STAG1: variants seen among roughly 807,000 people sequenced by gnomAD.
STAG1 encodes STAG1 cohesin complex component.
In STAG1, 26 loss-of-function variants were observed where a neutral mutation model predicts 170.9. The ratio of observed to expected loss-of-function variants is 0.15; its 90% CI spans 0.11 to 0.21. STAG1 has a LOEUF of 0.21. Among genes scored for constraint, STAG1 ranks in the 10% least tolerant of loss-of-function variants. The pLI, the probability that STAG1 is intolerant of heterozygous loss-of-function variation, is 1.00. For missense variants in STAG1, 964 were observed against 1,509.5 expected (o/e 0.64, Z 5.99); for synonymous variants, 514 against 497.7 (o/e 1.03, Z -0.44).
intron 1 of STAG1, among the ~76,000 whole-genome samples, chr3:136,666,867 T>A (rs972243202): frequency 5.1e-4 from 75 of 147,762 alleles, no homozygotes; most frequent in Middle Eastern, 3.6e-3. Flanking sequence ...CAACTCCAAG[T>A]AGTGTGGCTT....
At chr3:136,551,137 T>C (rs1379904816) in intron 5 of STAG1, among the ~76,000 whole-genome samples, 1 of 151,596 alleles carries the variant, frequency 6.6e-6, no homozygotes, top group Non-Finnish European at 1.5e-5. Context: ...TAAGATGATT[T>C]AGGTATCTAC....
chr3:136,413,466 A>ATTT (rs910375162), intron 21 of STAG1, among the ~76,000 whole-genome samples: 1 of 149,822 alleles, frequency 6.7e-6, no homozygotes, highest in African/African-American at 2.4e-5. Context: ...TATTATTATT[A>ATTT]TTTTTTTTTG....
At chr3:136,413,505 C>T (rs1043386845) in intron 21 of STAG1, among the ~76,000 whole-genome samples, 1 of 151,900 alleles carries the variant, frequency 6.6e-6, no homozygotes, top group Admixed American at 6.6e-5. Context: ...GTTGCCCAGG[C>T]TGGAGTGCAA....
At chr3:136,461,820 A>G (rs1318449124) in intron 13 of STAG1, among the ~76,000 whole-genome samples, 4 of 152,148 alleles carry the variant, frequency 2.6e-5, no homozygotes, top group African/African-American at 9.7e-5. Context: ...TAGTAACCAG[A>G]ATATATAAGG....
chr3:136,373,869 G>C (rs1429545487), intron 23 of STAG1, among the ~76,000 whole-genome samples: 1 of 152,154 alleles, frequency 6.6e-6, no homozygotes, highest in Admixed American at 6.5e-5. Flanking sequence ...TCTGCTTGGT[G>C]CAGAGTTGAG....
intron 23 of STAG1, among the ~76,000 whole-genome samples, chr3:136,375,099 T>C (rs2108303383): frequency 6.6e-6 from 1 of 152,322 alleles, no homozygotes; most frequent in South Asian, 2.1e-4. Context: ...GTAAATATAC[T>C]CTTATGATGG....
intron 27 of STAG1, among the ~76,000 whole-genome samples, chr3:136,358,088 A>ATT (rs68065485): frequency 2.1e-5 from 3 of 140,700 alleles, no homozygotes; most frequent in Middle Eastern, 3.9e-3. Context: ...CTAAATTCGT[A>ATT]TTTTTTTTTT....
chr3:136,340,452 C>A, intron 32 of STAG1, 39 bp downstream of exon 32: 2 of 1,342,866 alleles, frequency 1.5e-6, no homozygotes, highest in African/African-American at 1.4e-5. Flanking sequence ...AATGCCCCCA[C>A]ATATTTTAAC....
intron 3 of STAG1, among the ~76,000 whole-genome samples, chr3:136,612,186 G>C (rs1939329703): frequency 6.6e-6 from 1 of 152,158 alleles, no homozygotes; most frequent in South Asian, 2.1e-4. Context: ...TTCGGATTCA[G>C]AAAGTTTCGA....
intron 4 of STAG1, among the ~76,000 whole-genome samples, chr3:136,575,957 G>C (rs891486914): frequency 6.6e-6 from 1 of 152,174 alleles, no homozygotes; most frequent in African/African-American, 2.4e-5. Flanking sequence ...TTGGTAGATA[G>C]CAAGTCACCT....
intron 1 of STAG1, among the ~76,000 whole-genome samples, chr3:136,703,325 T>C (rs1205086838): frequency 6.6e-6 from 1 of 152,160 alleles, no homozygotes; most frequent in Non-Finnish European, 1.5e-5. Context: ...ATTCACCAGC[T>C]AGGAGGCAAG....
chr3:136,397,872 C>T (rs1441798940), intron 22 of STAG1, among the ~76,000 whole-genome samples: 1 of 151,946 alleles, frequency 6.6e-6, no homozygotes, highest in East Asian at 1.9e-4. Context: ...ATTTACCCAA[C>T]ATTTTAAGTT....
chr3:136,497,341 C>G (rs1056846937), intron 9 of STAG1, among the ~76,000 whole-genome samples: 5 of 152,160 alleles, frequency 3.3e-5, no homozygotes, highest in African/African-American at 1.2e-4. Flanking sequence ...CTTGGAAAAA[C>G]TCAGCAAATC....
chr3:136,491,380 C>T (rs556216411), intron 9 of STAG1, among the ~76,000 whole-genome samples: 4 of 152,256 alleles, frequency 2.6e-5, no homozygotes, highest in South Asian at 4.1e-4. Flanking sequence ...CTTTTTATCC[C>T]TTTATTACTG....
chr3:136,391,917 C>A (rs2087021361), intron 22 of STAG1, among the ~76,000 whole-genome samples: 1 of 152,168 alleles, frequency 6.6e-6, no homozygotes, highest in African/African-American at 2.4e-5. Context: ...CAGTGCACTT[C>A]CATTTCAAAT....
chr3:136,612,775 C>T (rs1039789064), intron 3 of STAG1, among the ~76,000 whole-genome samples: 13 of 152,222 alleles, frequency 8.5e-5, no homozygotes, highest in African/African-American at 2.9e-4. Context: ...ATGTATCACA[C>T]TTTGTTAGCC....
intron 2 of STAG1, among the ~76,000 whole-genome samples, chr3:136,626,010 AC>A (rs1465895476): frequency 6.6e-6 from 1 of 152,094 alleles, no homozygotes; most frequent in African/African-American, 2.4e-5. Flanking sequence ...CAGAGATAGC[AC>A]CACTGCACTC....
chr3:136,484,321 G>A (rs1431801020), intron 9 of STAG1, among the ~76,000 whole-genome samples: 2 of 150,618 alleles, frequency 1.3e-5, no homozygotes, highest in African/African-American at 4.9e-5. Flanking sequence ...CTGCAGGTCT[G>A]TTGGAATACC....
intron 15 of STAG1, among the ~76,000 whole-genome samples, chr3:136,434,380 C>T (rs1233490109): frequency 6.6e-6 from 1 of 152,022 alleles, no homozygotes; most frequent in Non-Finnish European, 1.5e-5. Flanking sequence ...TAATTTTTGC[C>T]AGTCCAATGG....
Sources: gnomAD v4.1 joint callset for allele counts (sites outside exome capture counted in the v4.1 genomes callset) on GRCh38, gnomAD v4.1.1 for gene constraint, MANE v1.5 for transcripts, NCBI Gene and HGNC (gene_info 2026-07-23, HGNC 2026-07-21) for gene names.